The following FCHSD2 variants were observed in gnomAD, a reference collection of about 807,000 sequenced individuals.
The protein encoded by FCHSD2 is FCH and double SH3 domains 2.
Under a neutral mutation model 108.1 loss-of-function variants are expected in FCHSD2, and 38 were observed. The observed-to-expected ratio is 0.35, with a 90% CI of 0.27 to 0.46. FCHSD2 has a LOEUF of 0.46. FCHSD2 is among the 20% of genes least tolerant of loss of function. The pLI is 1.00. For missense variants in FCHSD2, 751 were observed against 897.8 expected (o/e 0.84, Z 2.09); for synonymous variants, 279 against 314.7 (o/e 0.89, Z 1.20).
chr11:72,954,662 G>A lies in FCHSD2; in HGVS notation c.705+29426C>T, dbSNP rs542511976. 5.3e-5 allele frequency among the ~76,000 whole-genome samples: 8 copies of A among 152,260 alleles called. No individual in the cohort carries two copies. In the South Asian group the frequency reaches 1.4e-3, roughly 28 times the overall value. On this transcript the variant is annotated intron_variant, in intron 8 of 19. Coordinates refer to ENST00000409418, the MANE Select transcript of FCHSD2 (RefSeq NM_014824.3). ...GATCAAAAGAGTAGCAAGTTTGGGA[G>A]GGAAAAATCAAAGGCTGAGTAGGTA...
intron 3 of FCHSD2, among the ~76,000 whole-genome samples, chr11:73,028,858 G>A (rs1858292347): frequency 6.6e-6 from 1 of 152,126 alleles, no homozygotes; most frequent in Admixed American, 6.5e-5. Context: ...CGTCTCTCCT[G>A]CCACCATGTA....
At chr11:72,842,489 G>T in intron 17 of FCHSD2, 132 bp downstream of exon 17, 1 of 1,045,772 alleles carries the variant, frequency 9.6e-7, no homozygotes, top group Non-Finnish European at 1.4e-6. Context: ...ATGCAGTTGT[G>T]CAGACACTGG....
chr11:72,949,366 C>T (rs577575028), intron 8 of FCHSD2, among the ~76,000 whole-genome samples: 2 of 152,200 alleles, frequency 1.3e-5, no homozygotes, highest in Admixed American at 1.3e-4. Context: ...AGGAGAATCA[C>T]TTGAACCCTG....
chr11:72,940,355 C>T (rs768079439), intron 8 of FCHSD2: 3 of 434,052 alleles, frequency 6.9e-6, no homozygotes, highest in Non-Finnish European at 1.2e-5. Context: ...TAGAAACATG[C>T]TAGTTTCTAA....
At chr11:73,048,017 C>CT (rs369841182) in intron 3 of FCHSD2, among the ~76,000 whole-genome samples, 21 of 151,920 alleles carry the variant, frequency 1.4e-4, no homozygotes, top group African/African-American at 4.8e-4. Flanking sequence ...TATATTGTTT[C>CT]TTTAAGTAGT....
chr11:72,901,155 AC>A (rs1209388074), intron 10 of FCHSD2, among the ~76,000 whole-genome samples: 1 of 152,102 alleles, frequency 6.6e-6, no homozygotes, highest in Non-Finnish European at 1.5e-5. Flanking sequence ...ACTTTGGGAG[AC>A]TAAAGTGGGT....
In FCHSD2 at chr11:72,924,472, C is replaced by T. The variant is rs561674518; in HGVS notation, c.706-2522G>A. On this transcript the variant is annotated intron_variant, in intron 8 of 19. Coordinates refer to ENST00000409418, the MANE Select transcript of FCHSD2 (RefSeq NM_014824.3). ...TTTTTTTTTGTATTTTCAGTAGAGA[C>T]GGGGTTTCACCGTGTTAGCCAGGAT... Among the ~76,000 whole-genome samples, 6 of 147,990 alleles carry T rather than the reference C, an allele frequency of 4.1e-5. No individual in the cohort carries two copies. The East Asian group carries it at 1.2e-3, about 30-fold the overall frequency.
intron 8 of FCHSD2, among the ~76,000 whole-genome samples, chr11:72,967,172 C>G (rs1856924134): frequency 6.6e-6 from 1 of 150,722 alleles, no homozygotes; most frequent in African/African-American, 2.4e-5. Context: ...TGCACTCCAG[C>G]CTGGGCGACA....
At chr11:73,048,783 G>A (rs566372738) in intron 3 of FCHSD2, among the ~76,000 whole-genome samples, 9 of 152,146 alleles carry the variant, frequency 5.9e-5, no homozygotes, top group Non-Finnish European at 1.3e-4. Flanking sequence ...TGTATGTATA[G>A]TTCACCTCAA....
At chr11:72,903,062 A>T (rs796792232) in intron 9 of FCHSD2, among the ~76,000 whole-genome samples, 7 of 152,310 alleles carry the variant, frequency 4.6e-5, no homozygotes, top group African/African-American at 1.7e-4. Flanking sequence ...CCACTAGGAA[A>T]CTGCCAGATA....
intron 3 of FCHSD2, among the ~76,000 whole-genome samples, chr11:73,038,274 T>C (rs1207007888): frequency 2.0e-5 from 3 of 151,426 alleles, no homozygotes; most frequent in Admixed American, 6.6e-5. Flanking sequence ...CCCAGGAGTT[T>C]GAAGCTGCAG....
intron 12 of FCHSD2, among the ~76,000 whole-genome samples, chr11:72,876,582 T>G (rs1448798912): frequency 1.3e-5 from 2 of 152,244 alleles, no homozygotes; most frequent in Non-Finnish European, 2.9e-5. Flanking sequence ...AACAGGTTTA[T>G]GGTCCAGTGT....
chr11:73,012,257 G>C (rs1857879481), intron 4 of FCHSD2, among the ~76,000 whole-genome samples: 1 of 152,158 alleles, frequency 6.6e-6, no homozygotes, highest in Non-Finnish European at 1.5e-5. Context: ...TAAGTGTGTG[G>C]GCGGGGAGCA....
At chr11:73,056,545 G>A (rs1859029364) in intron 3 of FCHSD2, among the ~76,000 whole-genome samples, 1 of 152,066 alleles carries the variant, frequency 6.6e-6, no homozygotes, top group African/African-American at 2.4e-5. Flanking sequence ...TCTTTCAAAT[G>A]GGGTAAATTT....
At chr11:73,130,002 C>T (rs1860956693) in intron 2 of FCHSD2, among the ~76,000 whole-genome samples, 1 of 151,512 alleles carries the variant, frequency 6.6e-6, no homozygotes, top group Non-Finnish European at 1.5e-5. Flanking sequence ...CCTTAGCCCC[C>T]ACCGAGTAGC....
At chr11:73,041,264 C>G (rs900470809) in intron 3 of FCHSD2, among the ~76,000 whole-genome samples, 1 of 152,190 alleles carries the variant, frequency 6.6e-6, no homozygotes, top group Admixed American at 6.5e-5. Flanking sequence ...ATTGCTGGAT[C>G]ATACGGTAGT....
At chr11:73,136,261 A>AT (rs770960732) in intron 2 of FCHSD2, among the ~76,000 whole-genome samples, 6 of 151,568 alleles carry the variant, frequency 4.0e-5, no homozygotes, top group South Asian at 2.1e-4. Flanking sequence ...TGTGCTGTAG[A>AT]TTTTTTTTTA....
At chr11:73,061,423 T>C (rs993678978) in intron 3 of FCHSD2, among the ~76,000 whole-genome samples, 1 of 152,168 alleles carries the variant, frequency 6.6e-6, no homozygotes, top group Non-Finnish European at 1.5e-5. Context: ...TTTTTTTCCA[T>C]ACCCCAGTGG....
Position 72,880,549 on chromosome 11 carries a change from A to G in FCHSD2, c.1146+6921T>C, listed in dbSNP as rs529390176. Among the ~76,000 whole-genome samples the G allele has an allele frequency of 2.6e-5, 4 of 152,288 alleles. No homozygotes were observed. In the South Asian group the frequency reaches 8.3e-4, roughly 32 times the overall value. On this transcript the variant is annotated intron_variant, in intron 12 of 19. Transcript: ENST00000409418. ...GGAAAACTGAATATCCACCTGCCAAAGAATGAAACTAGATCCCTATCTCTC... is the reference window on the plus strand; with the variant it reads ...GGAAAACTGAATATCCACCTGCCAAGGAATGAAACTAGATCCCTATCTCTC...
Sources: allele counts gnomAD v4.1 joint callset (sites outside exome capture counted in the v4.1 genomes callset), GRCh38; gene constraint gnomAD v4.1.1; transcripts MANE v1.5; gene names NCBI Gene and HGNC (gene_info 2026-07-23, HGNC 2026-07-21).